The following PROZ variants were observed in gnomAD, a reference collection of about 807,000 sequenced individuals.
The protein encoded by PROZ is protein Z, vitamin K dependent plasma glycoprotein.
Under a neutral mutation model 34.9 loss-of-function variants are expected in PROZ, and 46 were observed. That is an observed-to-expected ratio of 1.32 (90% CI 1.04 to 1.69). The LOEUF (loss-of-function observed/expected upper bound fraction) is 1.69. Ranked by LOEUF, PROZ falls within the 40% of genes most tolerant of loss-of-function variation. The pLI, the probability that PROZ is intolerant of heterozygous loss-of-function variation, is 0.00. For synonymous variants in PROZ, 195 were observed against 208.5 expected, an observed-to-expected ratio of 0.94 and a Z score of 0.56; for missense variants, 530 against 520.4, an observed-to-expected ratio of 1.02 and a Z score of -0.18.
At position 113,170,453 on chromosome 13, in the gene PROZ, GTGTTATAATA is replaced by G; in HGVS notation, c.615_624del (p.Val206GlyfsTer6). 1 of 1,609,964 alleles carries G rather than the reference GTGTTATAATA, an allele frequency of 6.2e-7. No individual in the cohort carries two copies. Among genetic ancestry groups the G allele is most frequent in the Non-Finnish European group, 8.5e-7 (1 of 1,176,246 alleles). On this transcript the variant is annotated frameshift_variant, in exon 7 of 8. Transcript: ENST00000375547. LOFTEE classifies it high-confidence loss of function. ...TCCGAAGGAAAAGACTTCTGTGGTG[GTGTTATAATA>G]CGGGAAAATTTTGTACTGACAACAG... is the stretch of plus-strand genomic sequence containing the variant.
At chr13:113,170,715 C>T (rs1421394711) in intron 7 of PROZ, among the ~76,000 whole-genome samples, 185 bp downstream of exon 7, 1 of 151,962 alleles carries the variant, frequency 6.6e-6, no homozygotes, top group Non-Finnish European at 1.5e-5. Flanking sequence ...AAGCCTGGGC[C>T]CAGCGACAGG....
chr13:113,159,975 C>T lies in PROZ; in HGVS notation c.71-39C>T, dbSNP rs1021954147. 1.1e-5 allele frequency: 18 copies of T among 1,611,340 alleles called. No individual in the cohort carries two copies. In the Middle Eastern group the frequency reaches 7.8e-4, roughly 70 times the overall value. On this transcript the variant is annotated intron_variant, in intron 1 of 7. Transcript: ENST00000375547. This position sits in a 1 kb window ranked among gnomAD's most constrained non-coding sequence, Gnocchi z 4.6. ...AGGCAGCTCTGGAAAGCAGGGCCCT[C>T]GGTGCTCCCAGTCACCTGCCTTCTT...
chr13:113,160,170 T>G lies in PROZ; in HGVS notation c.227T>G (p.Val76Gly). The change falls in exon 2 of 8, where the codon GTA becomes GGA. Residue 76 changes from valine (V) to glycine (G), a missense_variant. Coordinates refer to ENST00000375547, the MANE Select transcript of PROZ (RefSeq NM_003891.3). The stretch of plus-strand genomic sequence containing the variant: ...GCAAGAGAAGTGTTTGAAAATGAAG[T>G]AGTCACTGTATGTACCCCCACCACA... The part of the protein sequence containing the change: ...EEAREVFENE[V>G]VTDEFWRRYK... 1 of 1,614,052 alleles carries G rather than the reference T, an allele frequency of 6.2e-7. No individual in the cohort carries two copies. The highest frequency in any genetic ancestry group is 8.5e-7 in the Non-Finnish European group (1 of 1,179,994).
chr13:113,158,739 C>G lies in PROZ; in HGVS notation c.70+9C>G. On this transcript the variant is annotated intron_variant, in intron 1 of 7. Transcript: ENST00000375547. The surrounding 1 kb of genome is among the most constrained non-coding windows in gnomAD (Gnocchi z 4.3). ...TCGTGTGGAGCCCTCAGGTAGGCAT[C>G]TGGCTTACCTGTCTGTTGTGCCTGT... 1 of 1,594,776 alleles carries G rather than the reference C, an allele frequency of 6.3e-7. No homozygotes were observed. The highest frequency in any genetic ancestry group is 8.5e-7 in the Non-Finnish European group (1 of 1,170,676).
rs369797131 is a variant in PROZ, at chr13:113,162,999, C to T, written c.260-10C>T. 6 of 1,539,514 alleles carry T rather than the reference C, an allele frequency of 3.9e-6. No individual in the cohort carries two copies. Among genetic ancestry groups the T allele is most frequent in the Non-Finnish European group, 5.3e-6 (6 of 1,136,056 alleles). ...TCACCACCACCCCAACCCCCATCCT[C>T]CTCCTGCAGGCGGCTCCCCGTGCAT... On this transcript the variant is annotated splice_polypyrimidine_tract_variant and intron_variant, in intron 3 of 7. Coordinates refer to ENST00000375547, the MANE Select transcript of PROZ (RefSeq NM_003891.3).
intron 3 of PROZ, among the ~76,000 whole-genome samples, chr13:113,161,406 G>A (rs2036757370): frequency 6.6e-6 from 1 of 152,164 alleles, no homozygotes; most frequent in South Asian, 2.1e-4. Context: ...AGCTCTAGGT[G>A]GGCAACTGCA....
chr13:113,162,722 C>G (rs374923906), intron 3 of PROZ, among the ~76,000 whole-genome samples: 8 of 5,486 alleles, frequency 1.5e-3, no homozygotes, highest in Admixed American at 3.2e-3. Flanking sequence ...TCCCTGCCAC[C>G]TCCCCACATC....
At position 113,171,730 on chromosome 13, in the gene PROZ, G is replaced by A. The variant is rs1319484354; in HGVS notation, c.828G>A (p.Ala276=). The change falls in exon 8 of 8, where the codon GCG becomes GCA. Residue 276 remains alanine (A), a synonymous_variant. Coordinates refer to ENST00000375547, the MANE Select transcript of PROZ (RefSeq NM_003891.3). This position sits in a 1 kb window ranked among gnomAD's most constrained non-coding sequence, Gnocchi z 5.1. ...ELEWPIQCPG[A]GLPVCTPEKD... ...AGTGGCCCATCCAGTGCCCAGGTGC[G>A]GGGCTCCCCGTGTGCACCCCTGAGA... 14 of 1,612,376 alleles carry A rather than the reference G, an allele frequency of 8.7e-6. No homozygotes were observed. The highest frequency in any genetic ancestry group is 4.5e-5 in the East Asian group (2 of 44,844).
chr13:113,159,251 C>A lies in PROZ; in HGVS notation c.70+521C>A. The A allele has an allele frequency of 6.5e-7, 1 of 1,548,510 alleles. No individual in the cohort carries two copies. ...TCCATTCTGACTCTGCCTGCACAGG[C>A]GTCCAGGAAAGCTGCAAGTCAAAAC... On this transcript the variant is annotated intron_variant, in intron 1 of 7. Transcript: ENST00000375547. This position sits in a 1 kb window ranked among gnomAD's most constrained non-coding sequence, Gnocchi z 4.6.
Position 113,171,847 on chromosome 13 carries a change from C to T in PROZ, c.945C>T (p.Thr315=), listed in dbSNP as rs752954940. The change falls in exon 8 of 8, where the codon ACC becomes ACT. Residue 315 remains threonine, a synonymous_variant. Transcript: ENST00000375547. The surrounding 1 kb of genome is among the most constrained non-coding windows in gnomAD (Gnocchi z 5.1). ...RNGTDLGNSL[T]TRPVTLVEGE... is the part of the protein sequence containing the mutation. ...GCACTGACCTGGGCAACTCGCTGAC[C>T]ACGCGGCCTGTCACACTTGTGGAGG... is the stretch of plus-strand genomic sequence containing the variant. The T allele has an allele frequency of 6.2e-7, 1 of 1,613,684 alleles. No individual in the cohort carries two copies. Among genetic ancestry groups the T allele is most frequent in the Non-Finnish European group, 8.5e-7 (1 of 1,180,028 alleles).
intron 6 of PROZ, among the ~76,000 whole-genome samples, chr13:113,170,173 G>A (rs1230729156): frequency 6.6e-6 from 1 of 152,148 alleles, no homozygotes. Context: ...CACCTGGGCC[G>A]AAAGGGGAAG....
chr13:113,164,933 A>C (rs1369702067), intron 5 of PROZ, 120 bp from the exon 6 acceptor site: 8 of 1,062,156 alleles, frequency 7.5e-6, no homozygotes, highest in Non-Finnish European at 1.1e-5. Flanking sequence ...AGCATTAAGG[A>C]TAAGATTATA....
intron 6 of PROZ, among the ~76,000 whole-genome samples, chr13:113,167,018 TTCAG>T (rs2036956814): frequency 6.6e-6 from 1 of 152,260 alleles, no homozygotes; most frequent in South Asian, 2.1e-4. Flanking sequence ...GATTTTTTAC[TTCAG>T]TATTATAAAT....
rs2036707536 is a variant in PROZ at position 113,158,784 on chromosome 13, G to A, written c.70+54G>A. Reference sequence around the variant, plus strand: ...GCCTGTGCTGTGTCTTTCTTGACTCGGTCCATGGTGGATTTGTAGATGAGG... The same window carrying A: ...GCCTGTGCTGTGTCTTTCTTGACTCAGTCCATGGTGGATTTGTAGATGAGG... On this transcript the variant is annotated intron_variant, in intron 1 of 7. Coordinates refer to ENST00000375547, the MANE Select transcript of PROZ (RefSeq NM_003891.3). The surrounding 1 kb of genome is among the most constrained non-coding windows in gnomAD (Gnocchi z 4.3). 8.6e-6 allele frequency: 13 copies of A among 1,510,312 alleles called. No individual in the cohort carries two copies. Among genetic ancestry groups the A allele is most frequent in the Middle Eastern group, 1.7e-4 (1 of 5,940 alleles). 93.6% of individuals were successfully genotyped at this position (1,510,312 alleles called of 1,614,324 possible).
chr13:113,167,333 C>A (rs2036968354), intron 6 of PROZ, among the ~76,000 whole-genome samples: 1 of 152,182 alleles, frequency 6.6e-6, no homozygotes, highest in Non-Finnish European at 1.5e-5. Context: ...AGCTATTATT[C>A]ATAAACACAT....
rs2036865391 is a variant in PROZ at position 113,164,626 on chromosome 13, A to C, written c.487A>C (p.Lys163Gln). 1.2e-6 allele frequency: 2 copies of C among 1,613,730 alleles called. No individual in the cohort carries two copies. Among genetic ancestry groups the C allele is most frequent in the Non-Finnish European group, 1.7e-6 (2 of 1,179,914 alleles). ...AQGYRLGEDH[K>Q]QCVPHDQCAC... is the part of the protein sequence containing the mutation. ...GGGCTACAGGCTTGGTGAGGACCAC[A>C]AACAGTGTGTGCCCCACGGTGAGTG... is the stretch of plus-strand genomic sequence containing the variant. Residue 163 changes from lysine (K) to glutamine (Q), a missense_variant, in exon 5 of 8, where the codon AAA becomes CAA. Physicochemically the swap from Lys to Gln is moderately conservative, Grantham distance 53. Coordinates refer to ENST00000375547, the MANE Select transcript of PROZ (RefSeq NM_003891.3).
At chr13:113,160,913 C>G in intron 2 of PROZ, 35 bp from the exon 3 acceptor site, 1 of 1,544,198 alleles carries the variant, frequency 6.5e-7, no homozygotes, top group Non-Finnish European at 9.0e-7. Flanking sequence ...AAACAAATAT[C>G]CCATTTGTAA....
Position 113,159,890 on chromosome 13 carries a change from A to T in PROZ, c.71-124A>T. The stretch of plus-strand genomic sequence containing the variant: ...AGCGGGGTGGCCCTGAGGCCCTCGC[A>T]GGCTGAGAGCCTGTGGAGACGGACG... On this transcript the variant is annotated intron_variant, in intron 1 of 7. Transcript: ENST00000375547. This position sits in a 1 kb window ranked among gnomAD's most constrained non-coding sequence, Gnocchi z 4.6. 8.3e-7 allele frequency: 1 copy of T among 1,202,520 alleles called. No homozygotes were observed. The highest frequency in any genetic ancestry group is 1.2e-6 in the Non-Finnish European group (1 of 812,250). The allele number at this position is 1,202,520 out of a possible 1,614,324, so 74.5% of individuals were successfully genotyped here.
Position 113,159,235 on chromosome 13 carries a change from A to G in PROZ, c.70+505A>G. On this transcript the variant is annotated intron_variant, in intron 1 of 7. Transcript: ENST00000375547. The surrounding 1 kb of genome is among the most constrained non-coding windows in gnomAD (Gnocchi z 4.6). The stretch of plus-strand genomic sequence containing the variant: ...AAGGAACGACATGGACTCCATTCTG[A>G]CTCTGCCTGCACAGGCGTCCAGGAA... 1 of 1,548,800 alleles carries G rather than the reference A, an allele frequency of 6.5e-7. No individual in the cohort carries two copies. The highest frequency in any genetic ancestry group is 1.2e-5 in the South Asian group (1 of 84,008).
Sources: gnomAD v4.1 joint callset for allele counts (sites outside exome capture counted in the v4.1 genomes callset) on GRCh38, gnomAD v4.1.1 for gene constraint, Gnocchi (gnomAD v3.1) non-coding constraint, MANE v1.5 for transcripts, NCBI Gene and HGNC (gene_info 2026-07-23, HGNC 2026-07-21) for gene names.